Variants in CFAP46 observed in about 807,000 individuals in gnomAD.
CFAP46 encodes the protein cilia and flagella associated protein 46, also known as cilia- and flagella-associated protein 46.
A neutral mutation model predicts 325.7 loss-of-function variants in CFAP46; 245 were observed. The ratio of observed to expected loss-of-function variants is 0.75; its 90% confidence interval spans 0.68 to 0.84. CFAP46 has a LOEUF of 0.84. Among genes scored for constraint, CFAP46 ranks in the 40% least tolerant of loss-of-function variants. The probability of loss-of-function intolerance (pLI) is 0.00; values close to 1 mark genes in which losing one functional copy is unlikely to be tolerated. For synonymous variants in CFAP46, 1,523 were observed against 1,495.9 expected (o/e 1.02, Z -0.42); for missense variants, 3,346 against 3,543.0 (o/e 0.94, Z 1.41).
chr10:132,843,389 G>C (rs1020397534), intron 44 of CFAP46, among the ~76,000 whole-genome samples: 19 of 147,974 alleles, frequency 1.3e-4, no homozygotes, highest in African/African-American at 4.0e-4. Flanking sequence ...CCAAGGTGCT[G>C]TAAGGCTCTG....
At chr10:132,923,165 T>C (rs1032643803) in intron 11 of CFAP46, among the ~76,000 whole-genome samples, 11 of 151,346 alleles carry the variant, frequency 7.3e-5, no homozygotes, top group African/African-American at 2.4e-4. Context: ...TGAGCAGCCA[T>C]GTAGGGGTAC....
chr10:132,821,470 TGTTG>T (rs1847824406), intron 50 of CFAP46, among the ~76,000 whole-genome samples: 1 of 135,276 alleles, frequency 7.4e-6, no homozygotes, highest in Non-Finnish European at 1.5e-5. Context: ...TGCTGATGTG[TGTTG>T]TGTGTGCTGT....
At chr10:132,921,153 C>T (rs1849716986) in intron 13 of CFAP46, among the ~76,000 whole-genome samples, 2 of 151,908 alleles carry the variant, frequency 1.3e-5, no homozygotes, top group Admixed American at 6.6e-5. Context: ...TCCCGACCAC[C>T]ATCTCCACAG....
At chr10:132,908,434 T>C (rs1849490781) in intron 22 of CFAP46, 34 bp downstream of exon 22, 4 of 1,549,876 alleles carry the variant, frequency 2.6e-6, no homozygotes, top group Non-Finnish European at 3.5e-6. Flanking sequence ...CTGCCCGTTT[T>C]GAGGGAATTT....
In CFAP46 at chr10:132,912,817, G is replaced by T; in HGVS notation, c.2337C>A (p.Asp779Glu). Residue 779 changes from aspartate (D) to glutamate (E), a missense_variant, in exon 19 of 58, where the codon GAC (aspartate) becomes GAA (glutamate). By Grantham distance (45) the Asp-to-Glu change is conservative. Transcript: ENST00000368586. ...TGCAGAGCGTCACCAGCATCACGGG[G>T]TCCCTGGGAGACATGCTTGTCAGAG... is the stretch of plus-strand genomic sequence containing the variant. ...SIVKATGHSG[D>E]PVMLVTLCNT... 1 of 1,548,484 alleles carries T rather than the reference G, an allele frequency of 6.5e-7. No homozygotes were observed. The highest frequency in any genetic ancestry group is 8.7e-7 in the Non-Finnish European group (1 of 1,146,558).
intron 35 of CFAP46, among the ~76,000 whole-genome samples, chr10:132,863,228 TCAC>T: frequency 6.6e-6 from 1 of 152,020 alleles, no homozygotes. Flanking sequence ...CCCAGGGCTC[TCAC>T]CACCTCCCAC....
rs567221796 is a variant in CFAP46 at position 132,808,553 on chromosome 10, T to C, written c.8016A>G (p.Pro2672=). 2 of 1,612,972 alleles carry C rather than the reference T, an allele frequency of 1.2e-6. No individual in the cohort carries two copies. The highest frequency in any genetic ancestry group is 1.7e-5 in the Admixed American group (1 of 60,018). ...WTSSSACLCA[P]WGLRRGWSCV... ...AGCTCCAGCCCCGACGCAGACCCCATGGCGCACACAGGCAGGCAGAGCTCG... is the reference window on the plus strand; with the variant it reads ...AGCTCCAGCCCCGACGCAGACCCCACGGCGCACACAGGCAGGCAGAGCTCG... The change falls in exon 58 of 58, where the codon CCA becomes CCG. Residue 2672 remains proline (P), a synonymous_variant. Coordinates refer to ENST00000368586, the MANE Select transcript of CFAP46 (RefSeq NM_001200049.3). This position sits in a 1 kb window ranked among gnomAD's most constrained non-coding sequence, Gnocchi z 6.8.
chr10:132,913,139 T>A lies in CFAP46; in HGVS notation c.2240A>T (p.His747Leu). The A allele has an allele frequency of 6.4e-7, 1 of 1,550,438 alleles. No individual in the cohort carries two copies. The highest frequency in any genetic ancestry group is 1.2e-5 in the South Asian group (1 of 84,068). The part of the protein sequence containing the change: ...VQNAVVYVLN[H>L]NHHLILAGRQ... ...CCCGGCCAGGATCAGGTGGTGGTTGTGGTTCAGGACGTAGACCACGGCGTT... is the reference window on the plus strand; with the variant it reads ...CCCGGCCAGGATCAGGTGGTGGTTGAGGTTCAGGACGTAGACCACGGCGTT... The change falls in exon 18 of 58, where the codon CAC becomes CTC. Residue 747 changes from histidine (H) to leucine (L), a missense_variant. By Grantham distance (99) the His-to-Leu change is moderately conservative. Transcript: ENST00000368586.
At position 132,860,117 on chromosome 10, in the gene CFAP46, C is replaced by T. The variant is rs532871197; in HGVS notation, c.5198+300G>A. ...GAACACACTCCCTACAAATTTATACCGACACACCACAGACTTAGAGGAAAA... is the reference window on the plus strand; with the variant it reads ...GAACACACTCCCTACAAATTTATACTGACACACCACAGACTTAGAGGAAAA... On this transcript the variant is annotated intron_variant, in intron 37 of 57. Transcript: ENST00000368586. 3.3e-5 allele frequency among the ~76,000 whole-genome samples: 5 copies of T among 152,296 alleles called. No homozygotes were observed. The South Asian group carries it at 6.2e-4, about 19-fold the overall frequency.
rs758193645 is a variant in CFAP46 at position 132,940,964 on chromosome 10, C to A, written c.371+32G>T. The A allele has an allele frequency of 5.6e-6, 9 of 1,608,236 alleles. No individual in the cohort carries two copies. In the East Asian group the frequency reaches 2.0e-4, roughly 36 times the overall value. On this transcript the variant is annotated intron_variant, in intron 4 of 57. Transcript: ENST00000368586. Reference sequence around the variant, plus strand: ...CTGGCTCTGAAGTCTTTCACCCAGTCAGTGAGAAACGGCCACTTCAATTTT... The same window carrying A: ...CTGGCTCTGAAGTCTTTCACCCAGTAAGTGAGAAACGGCCACTTCAATTTT...
intron 17 of CFAP46, 104 bp from the exon 18 acceptor site, chr10:132,913,362 A>AGGGG: frequency 2.6e-6 from 1 of 388,534 alleles, no homozygotes; most frequent in Non-Finnish European, 5.1e-6. Flanking sequence ...GCAGGGCAAG[A>AGGGG]AGTGGGAGGG....
chr10:132,822,697 C>A (rs1176522985), intron 50 of CFAP46, among the ~76,000 whole-genome samples: 3 of 118,872 alleles, frequency 2.5e-5, no homozygotes, highest in East Asian at 2.8e-4. Context: ...CTGATGTGTG[C>A]TGTGTGAGTG....
chr10:132,911,712 G>C (rs1591086224), intron 19 of CFAP46, among the ~76,000 whole-genome samples: 1 of 152,316 alleles, frequency 6.6e-6, no homozygotes, highest in East Asian at 1.9e-4. Flanking sequence ...CATTCCATGG[G>C]ATAAATGATC....
intron 35 of CFAP46, 72 bp from the exon 36 acceptor site, chr10:132,861,054 A>T: frequency 7.0e-7 from 1 of 1,419,424 alleles, no homozygotes; most frequent in Non-Finnish European, 9.7e-7. Flanking sequence ...AGGAGCAGGC[A>T]GAGAGAAGGA....
chr10:132,854,677 C>A (rs190890271), intron 39 of CFAP46, among the ~76,000 whole-genome samples: 79 of 152,244 alleles, frequency 5.2e-4, no homozygotes, highest in African/African-American at 1.8e-3. Context: ...AGTCACATAA[C>A]ACAAAATTAA....
At chr10:132,914,154 A>G (rs1439429053) in intron 17 of CFAP46, among the ~76,000 whole-genome samples, 1 of 9,868 alleles carries the variant, frequency 1.0e-4, no homozygotes, top group African/African-American at 1.2e-3. Context: ...GCCACACTGC[A>G]CCCCGGCCCG....
intron 47 of CFAP46, among the ~76,000 whole-genome samples, chr10:132,834,988 G>A (rs1352509027): frequency 6.6e-6 from 1 of 152,250 alleles, no homozygotes; most frequent in African/African-American, 2.4e-5. Flanking sequence ...CATCTCCTCT[G>A]CCCGCACCAC....
Position 132,916,657 on chromosome 10 carries a change from T to G in CFAP46, c.2012A>C (p.Glu671Ala). The G allele has an allele frequency of 2.0e-6, 3 of 1,498,088 alleles. No homozygotes were observed. The highest frequency in any genetic ancestry group is 1.7e-4 in the Middle Eastern group (1 of 5,750). The allele number at this position is 1,498,088 out of a possible 1,614,324, so 92.8% of individuals were successfully genotyped here. A position where few individuals can be genotyped will look rare whatever the true frequency, so the allele number is the denominator to read the frequency against. ...GGCCCGGTCATTCAGCTCTACACCT[T>G]CTGACCGCAGCAAATGAACCGTGGC... ...AEATVHLLRSEGVELNDRAIP... is the reference protein window; with the variant it reads ...AEATVHLLRSAGVELNDRAIP... Residue 671 changes from glutamate to alanine, a missense_variant, in exon 17 of 58, where the codon GAA becomes GCA. By Grantham distance (107) the Glu-to-Ala change is moderately radical. Transcript: ENST00000368586.
At chr10:132,937,078 A>T in intron 6 of CFAP46, 23 bp from the exon 7 acceptor site, 1 of 1,375,572 alleles carries the variant, frequency 7.3e-7, no homozygotes, top group Non-Finnish European at 9.8e-7. Flanking sequence ...GGAGCAGATT[A>T]TTAATCTGGA....
Sources: allele counts gnomAD v4.1 joint callset (sites outside exome capture counted in the v4.1 genomes callset), GRCh38; gene constraint gnomAD v4.1.1; non-coding constraint Gnocchi (gnomAD v3.1); transcripts MANE v1.5; gene names NCBI Gene and HGNC (gene_info 2026-07-23, HGNC 2026-07-21).